The following ATP6V0A4 variants were observed in gnomAD, a reference collection of about 807,000 sequenced individuals.
ATP6V0A4 encodes ATPase H+ transporting V0 subunit a4, also known as V-type proton ATPase 116 kDa subunit a 4.
Under a neutral mutation model 107.3 loss-of-function variants are expected in ATP6V0A4, and 86 were observed. The ratio of observed to expected loss-of-function variants is 0.80; its 90% CI spans 0.67 to 0.96. ATP6V0A4 has a LOEUF of 0.96. ATP6V0A4 is among the 40% of genes least tolerant of loss of function. ATP6V0A4 has a pLI of 0.00. For missense variants in ATP6V0A4, 908 were observed against 1,045.6 expected (o/e 0.87, Z 1.81); for synonymous variants, 353 against 381.4 (o/e 0.93, Z 0.87).
At chr7:138,791,022 C>A (rs1307592041) in intron 1 of ATP6V0A4, among the ~76,000 whole-genome samples, 2 of 151,696 alleles carry the variant, frequency 1.3e-5, no homozygotes, top group Non-Finnish European at 2.9e-5. Context: ...AAATAATAGA[C>A]AATGGAAATA....
chr7:138,744,574 C>T (rs139566447), intron 14 of ATP6V0A4, among the ~76,000 whole-genome samples: 81 of 152,304 alleles, frequency 5.3e-4, no homozygotes, highest in African/African-American at 1.9e-3. Context: ...TGCTGTGTTG[C>T]CCAGGCTGGA....
Position 138,739,588 on chromosome 7 carries a change from G to T in ATP6V0A4, c.1524C>A (p.Ala508=). ...EESLYLQLDP[A]IPGVYFGNPY... is the part of the protein sequence containing the mutation. ...GATTTCCAAAATACACTCCTGGTAT[G>T]GCTGGGTCCAGCTGCAGATATAGAC... Residue 508 remains alanine, a synonymous_variant, in exon 15 of 22, where the codon GCC becomes GCA. Coordinates refer to ENST00000310018, the MANE Select transcript of ATP6V0A4 (RefSeq NM_020632.3). 2.5e-6 allele frequency: 4 copies of T among 1,614,174 alleles called. No individual in the cohort carries two copies. The highest frequency in any genetic ancestry group is 3.4e-6 in the Non-Finnish European group (4 of 1,180,040).
chr7:138,776,763 C>G (rs1807676394), intron 2 of ATP6V0A4, among the ~76,000 whole-genome samples: 1 of 152,250 alleles, frequency 6.6e-6, no homozygotes, highest in East Asian at 1.9e-4. Flanking sequence ...GATCCCAGCT[C>G]TGCCATTTAC....
chr7:138,785,704 G>T (rs1025695841), intron 2 of ATP6V0A4, among the ~76,000 whole-genome samples: 1 of 152,038 alleles, frequency 6.6e-6, no homozygotes, highest in Non-Finnish European at 1.5e-5. Flanking sequence ...AAAAAAAAGA[G>T]AGAATGAATT....
At chr7:138,710,146 C>T (rs1260436525) in intron 20 of ATP6V0A4, among the ~76,000 whole-genome samples, 1 of 151,940 alleles carries the variant, frequency 6.6e-6, no homozygotes, top group Non-Finnish European at 1.5e-5. Context: ...CCACCTCAGC[C>T]TCCTAAGTAG....
chr7:138,730,384 G>A (rs1409499632), intron 17 of ATP6V0A4, among the ~76,000 whole-genome samples: 2 of 113,812 alleles, frequency 1.8e-5, no homozygotes, highest in African/African-American at 6.2e-5. Context: ...GTGTGTGTGT[G>A]TGGCTATCCT....
At chr7:138,724,189 CA>C (rs3080498) in intron 18 of ATP6V0A4, among the ~76,000 whole-genome samples, 11,339 of 92,636 alleles carry the variant, frequency 0.12, 391 homozygotes, top group Middle Eastern at 0.2. Flanking sequence ...GACTCTGCCT[CA>C]AAAAAAAAAA....
At chr7:138,718,025 G>A (rs1804143874) in intron 19 of ATP6V0A4, among the ~76,000 whole-genome samples, 1 of 147,536 alleles carries the variant, frequency 6.8e-6, no homozygotes, top group South Asian at 2.1e-4. Flanking sequence ...TGTCTGCGGA[G>A]GGAGACGTCC....
chr7:138,743,042 G>A (rs1205076292), intron 14 of ATP6V0A4, among the ~76,000 whole-genome samples: 3 of 152,094 alleles, frequency 2.0e-5, no homozygotes, highest in African/African-American at 4.8e-5. Context: ...GCCTAGCAGA[G>A]AAACAAGAAG....
chr7:138,729,007 C>T (rs1332456179), intron 17 of ATP6V0A4, 145 bp from the exon 18 acceptor site: 5 of 1,508,302 alleles, frequency 3.3e-6, no homozygotes, highest in Non-Finnish European at 3.6e-6. Flanking sequence ...TTCACCTTCA[C>T]GCCTGGAATA....
intron 15 of ATP6V0A4, among the ~76,000 whole-genome samples, chr7:138,738,889 C>A (rs1805476649): frequency 6.6e-6 from 1 of 152,184 alleles, no homozygotes; most frequent in African/African-American, 2.4e-5. Context: ...TACTCACGCT[C>A]ATTTGGAGCA....
chr7:138,746,889 G>T (rs1018857832), intron 13 of ATP6V0A4, among the ~76,000 whole-genome samples: 2 of 152,140 alleles, frequency 1.3e-5, no homozygotes, highest in Admixed American at 6.6e-5. Flanking sequence ...TTAAGAGTGG[G>T]GAAACGATGT....
At chr7:138,710,352 C>T (rs936236349) in intron 20 of ATP6V0A4, among the ~76,000 whole-genome samples, 8 of 152,054 alleles carry the variant, frequency 5.3e-5, no homozygotes, top group Non-Finnish European at 1.2e-4. Flanking sequence ...CAACTACACC[C>T]AGCTAATTTT....
chr7:138,711,132 G>A (rs1284115912), intron 20 of ATP6V0A4, among the ~76,000 whole-genome samples: 2 of 150,786 alleles, frequency 1.3e-5, no homozygotes, highest in East Asian at 3.9e-4. Context: ...CACACCCCCA[G>A]CTCTAAAGGT....
At chr7:138,725,220 C>T (rs1804646828) in intron 18 of ATP6V0A4, among the ~76,000 whole-genome samples, 1 of 152,128 alleles carries the variant, frequency 6.6e-6, no homozygotes, top group African/African-American at 2.4e-5. Context: ...GCTATGATCC[C>T]ACCACTGCAC....
At position 138,733,030 on chromosome 7, in the gene ATP6V0A4, A is replaced by G. The variant is rs1584907924; in HGVS notation, c.1755T>C (p.Cys585=). The G allele has an allele frequency of 1.2e-6, 2 of 1,614,116 alleles. No homozygotes were observed. The highest frequency in any genetic ancestry group is 2.2e-5 in the East Asian group (1 of 44,886). The change falls in exon 17 of 22, where the codon TGT becomes TGC. Residue 585 remains cysteine, a synonymous_variant. Transcript: ENST00000310018. Reference sequence around the variant, plus strand: ...TCATGAAAACCAGGTATCCAAACAGACACAGGATAAAAATCATCTCAGGGA... The same window carrying G: ...TCATGAAAACCAGGTATCCAAACAGGCACAGGATAAAAATCATCTCAGGGA... ...QFIPEMIFIL[C]LFGYLVFMII...
At position 138,773,047 on chromosome 7, in the gene ATP6V0A4, G is replaced by A. The variant is rs370663936; in HGVS notation, c.-17-1783C>T. 6.6e-6 allele frequency among the ~76,000 whole-genome samples: 1 copy of A among 152,088 alleles called. No homozygotes were observed. The highest frequency in any genetic ancestry group is 1.5e-5 in the Non-Finnish European group (1 of 68,002). The stretch of plus-strand genomic sequence containing the variant: ...GCCAAATCACACTTTTTCCCCCCAG[G>A]TCAACCTTCTGGAAGAATTTCCACA... On this transcript the variant is annotated intron_variant, in intron 2 of 21. Transcript: ENST00000310018. This position sits in a 1 kb window ranked among gnomAD's most constrained non-coding sequence, Gnocchi z 5.4.
intron 10 of ATP6V0A4, 130 bp downstream of exon 10, chr7:138,755,559 C>T: frequency 1.6e-6 from 2 of 1,260,054 alleles, no homozygotes; most frequent in Non-Finnish European, 1.1e-6. Context: ...ACAGCCACAA[C>T]CAGAAAGGCA....
chr7:138,763,807 A>C (rs1474163115), intron 5 of ATP6V0A4, among the ~76,000 whole-genome samples: 1 of 151,832 alleles, frequency 6.6e-6, no homozygotes, highest in Non-Finnish European at 1.5e-5. Flanking sequence ...CAACATGGTG[A>C]AACCCTGTTT....
Sources: gnomAD v4.1 joint callset for allele counts (sites outside exome capture counted in the v4.1 genomes callset) on GRCh38, gnomAD v4.1.1 for gene constraint, Gnocchi (gnomAD v3.1) non-coding constraint, MANE v1.5 for transcripts, NCBI Gene and HGNC (gene_info 2026-07-23, HGNC 2026-07-21) for gene names.